SHOX: variants seen among roughly 807,000 people sequenced by gnomAD.
SHOX encodes short stature homeobox protein.
In SHOX, 12 loss-of-function variants were observed where a neutral mutation model predicts 29.6. The observed-to-expected ratio is 0.41, with a 90% CI of 0.26 to 0.66. SHOX has a LOEUF of 0.66. Ranked by LOEUF, SHOX falls within the 30% of genes least tolerant of loss-of-function variation. The pLI, the probability that SHOX is intolerant of heterozygous loss-of-function variation, is 0.35. For synonymous variants in SHOX, 214 were observed against 200.6 expected (o/e 1.07, Z -0.57); for missense variants, 499 against 437.7 (o/e 1.14, Z -1.25).
chrX:635,857 G>GA (rs2052736834), intron 2 of SHOX, among the ~76,000 whole-genome samples: 2 of 146,168 alleles, frequency 1.4e-5, no homozygotes, highest in Non-Finnish European at 1.5e-5. Flanking sequence ...GTGGGGGGAG[G>GA]GAGAGAGAGA....
At chrX:627,186 G>T (rs1353231926), upstream of SHOX, among the ~76,000 whole-genome samples, 1 of 152,196 alleles carries the variant, frequency 6.6e-6, no homozygotes, top group African/African-American at 2.4e-5. Context: ...GCAGCCGCCT[G>T]CTGTAAAATG....
At chrX:624,913 T>TCTTTCTTTCTTC (rs1569491715) in intron 1 of SHOX, among the ~76,000 whole-genome samples, 19 of 83,352 alleles carry the variant, frequency 2.3e-4, no homozygotes, top group African/African-American at 6.8e-4. Context: ...TCTCTTCCTT[T>TCTTTCTTTCTTC]CTTTCTTTCT....
intron 2 of SHOX, 99 bp downstream of exon 2, chrX:634,925 T>C (rs1379430302): frequency 1.3e-5 from 17 of 1,306,906 alleles, no homozygotes; most frequent in Non-Finnish European, 1.8e-5. Context: ...GCCGCCGCCG[T>C]CCCCTTCCCG....
downstream of SHOX, among the ~76,000 whole-genome samples, chrX:652,252 C>T (rs990769967): frequency 4.6e-5 from 7 of 151,170 alleles, no homozygotes; most frequent in Admixed American, 2.6e-4. Flanking sequence ...TTTTCCAGCA[C>T]GGTCTTGCAA....
chrX:627,166 C>T (rs2052553104), upstream of SHOX, among the ~76,000 whole-genome samples: 1 of 152,200 alleles, frequency 6.6e-6, no homozygotes, highest in Non-Finnish European at 1.5e-5. Flanking sequence ...GCAGACCCTG[C>T]TTTCTGCCTG....
intron 1 of SHOX, chrX:631,823 C>A (rs752425289): frequency 2.3e-6 from 1 of 444,414 alleles, no homozygotes; most frequent in Non-Finnish European, 4.6e-6. Flanking sequence ...TGAGGCACCG[C>A]GCCCGGCCTG....
downstream of SHOX, among the ~76,000 whole-genome samples, chrX:655,606 CTCTCTCTCTATATATATATA>C (rs1415193086): frequency 0.037 from 1,318 of 35,170 alleles, 1 homozygote; most frequent in Non-Finnish European, 0.048. Context: ...CTCTCTCTCT[CTCTCTCTCTATATATATATA>C]TATATATATA....
intron 1 of SHOX, 143 bp downstream of exon 1, chrX:631,317 G>A (rs1476057260): frequency 2.7e-6 from 3 of 1,103,130 alleles, no homozygotes; most frequent in East Asian, 2.5e-5. Flanking sequence ...GTCAGGCTTT[G>A]CCTAAGAAAG....
rs2053048675 is a variant in SHOX at position 650,811 on chromosome X, A to AAAAAAAAAC, written c.*6176_*6184dup. 6.8e-6 allele frequency among the ~76,000 whole-genome samples: 1 copy of AAAAAAAAAC among 147,192 alleles called. No individual in the cohort carries two copies. The highest frequency in any genetic ancestry group is 6.8e-5 in the Admixed American group (1 of 14,762). Reference sequence around the variant, plus strand: ...TGACATTAAAAAAAAAAAAAAAAAAAAAAAAAAACTGGTGCCTAATTTATT... The same window carrying AAAAAAAAAC: ...TGACATTAAAAAAAAAAAAAAAAAAAAAAAAAAACAAAAAAAACTGGTGCCTAATTTATT... On this transcript the variant is annotated 3_prime_UTR_variant, in exon 5 of 5. Coordinates refer to ENST00000686671, the MANE Select transcript of SHOX (RefSeq NM_000451.4).
Position 645,762 on chromosome X carries a change from C to T in SHOX, c.*1126C>T, listed in dbSNP as rs913333966. ...GTGGTGCCAAGATATCAGTTTGGTA[C>T]CTGAGCTGTTTCTGGTTGGGAAGCG... On this transcript the variant is annotated 3_prime_UTR_variant, in exon 5 of 5. Coordinates refer to ENST00000686671, the MANE Select transcript of SHOX (RefSeq NM_000451.4). The T allele has an allele frequency of 2.0e-5, 3 of 152,114 alleles. No homozygotes were observed. Among genetic ancestry groups the T allele is most frequent in the African/African-American group, 7.2e-5 (3 of 41,412 alleles). 9.4% of individuals were successfully genotyped at this position (152,114 alleles called of 1,614,324 possible). A position where few individuals can be genotyped will look rare whatever the true frequency, so the allele number is the denominator to read the frequency against.
chrX:641,288 G>C (rs73607272), intron 4 of SHOX, among the ~76,000 whole-genome samples: 2 of 152,164 alleles, frequency 1.3e-5, no homozygotes, highest in African/African-American at 4.8e-5. Context: ...TGGGCCAGGC[G>C]GGGTGGCTCA....
Position 644,669 on chromosome X carries a change from C to G in SHOX, c.*33C>G, listed in dbSNP as rs1488302460. On this transcript the variant is annotated 3_prime_UTR_variant, in exon 5 of 5. Transcript: ENST00000686671. ...CGCAGCCCCCCGCGCGCCCGGACTC[C>G]CGGGCTCCGCGCACCCCGCCTGCAC... is the stretch of plus-strand genomic sequence containing the variant. 2.1e-6 allele frequency: 3 copies of G among 1,405,572 alleles called. No individual in the cohort carries two copies. The allele number at this position is 1,405,572 out of a possible 1,614,324, so 87.1% of individuals were successfully genotyped here.
In SHOX at chrX:649,859, C is replaced by G. The variant is rs28502716; in HGVS notation, c.*5223C>G. ...CGCCGCAGTTGAGCAAAAAACACTT[C>G]TTCCTTTGAGTGGCTGTTCTGGTGA... On this transcript the variant is annotated 3_prime_UTR_variant, in exon 5 of 5. Transcript: ENST00000686671. 32,930 of 454,412 alleles carry G rather than the reference C, an allele frequency of 0.072. 1,505 individuals carry two copies. The highest frequency in any genetic ancestry group is 0.13 in the South Asian group (8,066 of 64,240). 28.1% of individuals were successfully genotyped at this position (454,412 alleles called of 1,614,324 possible). A position where few individuals can be genotyped will look rare whatever the true frequency, so the allele number is the denominator to read the frequency against.
rs866335367 is a variant in SHOX at position 636,758 on chromosome X, A to T, written c.486+1932A>T. On this transcript the variant is annotated intron_variant, in intron 2 of 4. Transcript: ENST00000686671. ...ATATAAACATATATATACATATAAA[A>T]ATATATATATTAACATATATATACA... Among the ~76,000 whole-genome samples the T allele has an allele frequency of 1.2e-4, 15 of 129,288 alleles. 1 individual carries two copies. Among genetic ancestry groups the T allele is most frequent in the African/African-American group, 5.2e-4 (15 of 28,948 alleles). 84.8% of individuals were successfully genotyped at this position (129,288 alleles called of 152,430 possible).
At position 658,713 on chromosome X, in the gene SHOX, G is replaced by A. The variant is rs74517255; in HGVS notation, c.634-72G>A. 0.25 allele frequency: 71,261 copies of A among 282,462 alleles called. 10,415 individuals carry two copies. Among genetic ancestry groups the A allele is most frequent in the Non-Finnish European group, 0.31 (42,387 of 136,422 alleles). 17.5% of individuals were successfully genotyped at this position (282,462 alleles called of 1,614,324 possible). On this transcript the variant is annotated intron_variant, in intron 5 of 5. Transcript: ENST00000334060. ...TCTCGATCTCCTGACCTCATGATCC[G>A]TCCGCCTCAGCCTCCCAAAGTGCTG... is the stretch of plus-strand genomic sequence containing the variant.
downstream of SHOX, among the ~76,000 whole-genome samples, chrX:655,036 T>C (rs1299664107): frequency 1.3e-5 from 2 of 151,816 alleles, no homozygotes; most frequent in African/African-American, 4.8e-5. Flanking sequence ...GAAGCCATGA[T>C]TGCACCACTG....
intron 1 of SHOX, among the ~76,000 whole-genome samples, chrX:631,715 A>G (rs2052653625): frequency 6.6e-6 from 1 of 152,124 alleles, no homozygotes; most frequent in Admixed American, 6.5e-5. Context: ...TGCTTTTAGT[A>G]AAGACGGGGA....
In SHOX at chrX:649,930, C is replaced by G. The variant is rs1328101389; in HGVS notation, c.*5294C>G. 1.3e-5 allele frequency: 6 copies of G among 455,982 alleles called. No homozygotes were observed. The highest frequency in any genetic ancestry group is 6.0e-5 in the African/African-American group (3 of 50,068). The allele number at this position is 455,982 out of a possible 1,614,324, so 28.2% of individuals were successfully genotyped here. A position where few individuals can be genotyped will look rare whatever the true frequency, so the allele number is the denominator to read the frequency against. On this transcript the variant is annotated 3_prime_UTR_variant, in exon 5 of 5. Transcript: ENST00000686671. ...ACTTTTCTCTCTCTTTTCTCTCTCTCTGACTGCGAAGCACCCACAGGGAGA... is the reference window on the plus strand; with the variant it reads ...ACTTTTCTCTCTCTTTTCTCTCTCTGTGACTGCGAAGCACCCACAGGGAGA...
chrX:624,701 T>TTTTCTTTCTTTCTTTCTCTCTTTC (rs2052472083), intron 1 of SHOX: 1 of 105,372 alleles, frequency 9.5e-6, no homozygotes, highest in Non-Finnish European at 1.8e-5. Flanking sequence ...TTCCTCTTTC[T>TTTTCTTTCTTTCTTTCTCTCTTTC]TTTCTTTCTT....
Sources: gnomAD v4.1 joint callset for allele counts (sites outside exome capture counted in the v4.1 genomes callset) on GRCh38, gnomAD v4.1.1 for gene constraint, MANE v1.5 for transcripts, NCBI Gene and HGNC (gene_info 2026-07-23, HGNC 2026-07-21) for gene names.